WDFY2: variants seen among roughly 807,000 people sequenced by gnomAD.
The protein encoded by WDFY2 is WD repeat and FYVE domain-containing protein 2.
In WDFY2, 36 loss-of-function variants were observed where a neutral mutation model predicts 56.4. The observed-to-expected ratio is 0.64, with a 90% CI of 0.49 to 0.84. The LOEUF (loss-of-function observed/expected upper bound fraction) is 0.84. WDFY2 is among the 40% of genes least tolerant of loss of function. The probability of loss-of-function intolerance (pLI) is 0.00; values close to 1 mark genes in which losing one functional copy is unlikely to be tolerated. For synonymous variants in WDFY2, 176 were observed against 183.7 expected, an observed-to-expected ratio of 0.96 and a Z score of 0.34; for missense variants, 444 against 512.2, an observed-to-expected ratio of 0.87 and a Z score of 1.29.
intron 4 of WDFY2, among the ~76,000 whole-genome samples, chr13:51,707,028 C>G (rs1011021509): frequency 6.6e-6 from 1 of 151,992 alleles, no homozygotes; most frequent in Non-Finnish European, 1.5e-5. Flanking sequence ...TTTAAGAGAA[C>G]CAAATAGAAC....
At chr13:51,637,440 T>G (rs1279501075) in intron 1 of WDFY2, among the ~76,000 whole-genome samples, 1 of 152,084 alleles carries the variant, frequency 6.6e-6, no homozygotes, top group Non-Finnish European at 1.5e-5. Context: ...TTGGCAACCC[T>G]CTGTTTCACT....
At chr13:51,624,267 AGT>A (rs927156974) in intron 1 of WDFY2, among the ~76,000 whole-genome samples, 1 of 152,206 alleles carries the variant, frequency 6.6e-6, no homozygotes, top group Non-Finnish European at 1.5e-5. Context: ...GATTATTTAT[AGT>A]TAAATAATCA....
intron 7 of WDFY2, among the ~76,000 whole-genome samples, chr13:51,748,604 G>C (rs1048782943): frequency 6.6e-6 from 1 of 152,046 alleles, no homozygotes; most frequent in Non-Finnish European, 1.5e-5. Context: ...TCACACGTGA[G>C]TACTCCTTGT....
chr13:51,598,716 C>T (rs1277365212), intron 1 of WDFY2: 1 of 152,134 alleles, frequency 6.6e-6, no homozygotes, highest in Non-Finnish European at 1.5e-5. Context: ...AATTTTGCTA[C>T]TATATCAATG....
intron 2 of WDFY2, among the ~76,000 whole-genome samples, chr13:51,668,299 G>A (rs940545344): frequency 9.9e-5 from 15 of 152,134 alleles, no homozygotes; most frequent in African/African-American, 3.1e-4. Context: ...ATTTTCATCT[G>A]ACGGGGCATT....
At chr13:51,615,370 A>G (rs1227782119) in intron 1 of WDFY2, among the ~76,000 whole-genome samples, 1 of 152,222 alleles carries the variant, frequency 6.6e-6, no homozygotes, top group Non-Finnish European at 1.5e-5. Context: ...AAACACTGAA[A>G]CATCATTTTT....
chr13:51,724,097 G>C (rs1420109257), intron 5 of WDFY2, among the ~76,000 whole-genome samples: 1 of 151,470 alleles, frequency 6.6e-6, no homozygotes, highest in Non-Finnish European at 1.5e-5. Flanking sequence ...TGAAATCTTA[G>C]GTTGGTTGGT....
At chr13:51,601,757 C>T (rs958162100) in intron 1 of WDFY2, among the ~76,000 whole-genome samples, 1 of 152,090 alleles carries the variant, frequency 6.6e-6, no homozygotes, top group Non-Finnish European at 1.5e-5. Context: ...CCTGATTCAT[C>T]GGACTCCACG....
intron 1 of WDFY2, among the ~76,000 whole-genome samples, chr13:51,616,075 C>G (rs886117776): frequency 1.3e-5 from 2 of 152,166 alleles, no homozygotes; most frequent in African/African-American, 2.4e-5. Context: ...GAGACCTCAT[C>G]TTTATAAAGA....
intron 8 of WDFY2, among the ~76,000 whole-genome samples, chr13:51,753,379 T>A (rs1045835746): frequency 6.6e-6 from 1 of 152,200 alleles, no homozygotes; most frequent in Non-Finnish European, 1.5e-5. Context: ...GTTGAACAGG[T>A]GTTTTATACA....
intron 1 of WDFY2, among the ~76,000 whole-genome samples, chr13:51,614,186 CAAAAAAAAAAA>C (rs771044291): frequency 2.3e-4 from 14 of 60,952 alleles, no homozygotes; most frequent in Middle Eastern, 6.8e-3. Flanking sequence ...ACTCGGTCTC[CAAAAAAAAAAA>C]AAAAAAAAAA....
In WDFY2 at chr13:51,759,832, A is replaced by G. The variant is rs1593487908; in HGVS notation, c.*63A>G. The G allele has an allele frequency of 9.3e-7, 1 of 1,069,612 alleles. No individual in the cohort carries two copies. The highest frequency in any genetic ancestry group is 1.3e-6 in the Non-Finnish European group (1 of 753,624). 66.3% of individuals were successfully genotyped at this position (1,069,612 alleles called of 1,614,324 possible). A position where few individuals can be genotyped will look rare whatever the true frequency, so the allele number is the denominator to read the frequency against. On this transcript the variant is annotated 3_prime_UTR_variant, in exon 12 of 12. Coordinates refer to ENST00000298125, the MANE Select transcript of WDFY2 (RefSeq NM_052950.4). ...AGAAACGGTTGTTTTAACCCAAATCATTACCAGAGTGGTAAAGCAGACATG... is the reference window on the plus strand; with the variant it reads ...AGAAACGGTTGTTTTAACCCAAATCGTTACCAGAGTGGTAAAGCAGACATG...
At chr13:51,675,147 A>T in intron 2 of WDFY2, 23 bp from the exon 3 acceptor site, 1 of 1,612,798 alleles carries the variant, frequency 6.2e-7, no homozygotes. Context: ...TGTTAATTTC[A>T]TCAACATGTT....
chr13:51,758,676 C>T (rs1953479713), intron 11 of WDFY2, among the ~76,000 whole-genome samples: 1 of 152,118 alleles, frequency 6.6e-6, no homozygotes, highest in South Asian at 2.1e-4. Context: ...GACAGAGCTC[C>T]AGCCTGCAAG....
intron 1 of WDFY2, among the ~76,000 whole-genome samples, chr13:51,650,626 G>T (rs989314853): frequency 2.6e-5 from 4 of 152,178 alleles, no homozygotes; most frequent in African/African-American, 9.7e-5. Context: ...AGCATGAAGT[G>T]CTGTTGAATT....
intron 1 of WDFY2, among the ~76,000 whole-genome samples, chr13:51,629,200 G>GTCTT (rs1954900810): frequency 1.3e-5 from 2 of 152,212 alleles, no homozygotes; most frequent in Non-Finnish European, 2.9e-5. Flanking sequence ...AGACCATGAA[G>GTCTT]CACACCAAGT....
intron 1 of WDFY2, among the ~76,000 whole-genome samples, chr13:51,644,089 T>C (rs1955224230): frequency 6.9e-6 from 1 of 145,876 alleles, no homozygotes; most frequent in Non-Finnish European, 1.5e-5. Flanking sequence ...AAAGTGGATA[T>C]GTGTGTATCT....
intron 3 of WDFY2, among the ~76,000 whole-genome samples, chr13:51,681,116 C>T (rs1423095343): frequency 2.0e-5 from 3 of 152,220 alleles, no homozygotes; most frequent in African/African-American, 2.4e-5. Flanking sequence ...TCTACGGTGA[C>T]GACAAATGGC....
At chr13:51,647,811 T>TGTG (rs1955289421) in intron 1 of WDFY2, among the ~76,000 whole-genome samples, 1 of 150,706 alleles carries the variant, frequency 6.6e-6, no homozygotes, top group Admixed American at 6.6e-5. Flanking sequence ...CCATTATATA[T>TGTG]GTGGTCCAAT....
Sources: gnomAD v4.1 joint callset for allele counts (sites outside exome capture counted in the v4.1 genomes callset) on GRCh38, gnomAD v4.1.1 for gene constraint, MANE v1.5 for transcripts, NCBI Gene and HGNC (gene_info 2026-07-23, HGNC 2026-07-21) for gene names.